Variants in POLR3B observed in about 807,000 individuals in gnomAD.
The protein encoded by POLR3B is DNA-directed RNA polymerase III subunit RPC2.
Under a neutral mutation model 147.4 loss-of-function variants are expected in POLR3B, and 96 were observed. The ratio of observed to expected loss-of-function variants is 0.65; its 90% CI spans 0.55 to 0.77. The LOEUF (loss-of-function observed/expected upper bound fraction) is 0.77, where lower values mean the gene tolerates loss of function less well. POLR3B is among the 30% of genes least tolerant of loss of function. POLR3B has a pLI of 0.00. For synonymous variants in POLR3B, 461 were observed against 485.9 expected (o/e 0.95, Z 0.67); for missense variants, 1,036 against 1,413.5 (o/e 0.73, Z 4.28).
chr12:106,495,573 A>G (rs903852820), intron 23 of POLR3B, among the ~76,000 whole-genome samples: 1 of 152,200 alleles, frequency 6.6e-6, no homozygotes, highest in African/African-American at 2.4e-5. Flanking sequence ...ACTTCTTGTC[A>G]CTGGTTTTTC....
At chr12:106,395,362 A>G (rs1402947124) in intron 10 of POLR3B, among the ~76,000 whole-genome samples, 1 of 152,172 alleles carries the variant, frequency 6.6e-6, no homozygotes, top group Non-Finnish European at 1.5e-5. Flanking sequence ...GCAGAAGGCA[A>G]AGGAGGGGGC....
intron 12 of POLR3B, among the ~76,000 whole-genome samples, chr12:106,412,199 A>G (rs1344087019): frequency 6.6e-6 from 1 of 151,838 alleles, no homozygotes; most frequent in African/African-American, 2.4e-5. Flanking sequence ...ATTCCTCTAA[A>G]GAGTGTCCCA....
intron 22 of POLR3B, among the ~76,000 whole-genome samples, chr12:106,459,693 A>G (rs2037910711): frequency 6.6e-6 from 1 of 152,170 alleles, no homozygotes; most frequent in African/African-American, 2.4e-5. Context: ...AGAGTTGGGA[A>G]TTGATACTGC....
At position 106,430,334 on chromosome 12, in the gene POLR3B, G is replaced by T. The variant is rs201153027; in HGVS notation, c.1325G>T (p.Arg442Leu). 2.9e-5 allele frequency: 46 copies of T among 1,613,934 alleles called. No homozygotes were observed. Among genetic ancestry groups the T allele is most frequent in the African/African-American group, 5.3e-5 (4 of 74,924 alleles). ...CAGGGTGTAACCCAAGTGCTGTCTC[G>T]CTTGTCATATATATCCGCACTGGGC... ...DRQGVTQVLS[R>L]LSYISALGMM... The change falls in exon 14 of 28, where the codon CGC becomes CTC. Residue 442 changes from arginine to leucine, a missense_variant. Physicochemically the swap from Arg to Leu is moderately radical, Grantham distance 102 (BLOSUM62 -2). Coordinates refer to ENST00000228347, the MANE Select transcript of POLR3B (RefSeq NM_018082.6).
chr12:106,380,460 C>T (rs2036746498), intron 9 of POLR3B, among the ~76,000 whole-genome samples: 1 of 150,086 alleles, frequency 6.7e-6, no homozygotes, highest in Non-Finnish European at 1.5e-5. Flanking sequence ...GTGTGCATCT[C>T]TACTTCCAGC....
chr12:106,408,696 C>T (rs2037181603), intron 11 of POLR3B, among the ~76,000 whole-genome samples: 1 of 152,160 alleles, frequency 6.6e-6, no homozygotes, highest in African/African-American at 2.4e-5. Context: ...TTTTCTCCCC[C>T]TCTTTCACAT....
Position 106,480,133 on chromosome 12 carries a change from GGATTACAGGTGTGA to G in POLR3B, c.2714-15906_2714-15893del, listed in dbSNP as rs199648115. 1.7e-3 allele frequency among the ~76,000 whole-genome samples: 259 copies of G among 152,044 alleles called. 3 individuals carry two copies. The East Asian group carries it at 0.04, about 23-fold the overall frequency. ...TTCCCAAAATGGCATTTGAACCTTG[GGATTACAGGTGTGA>G]GATTACAGGTGTGAGCCACTGTGCC... is the stretch of plus-strand genomic sequence containing the variant. On this transcript the variant is annotated intron_variant, in intron 23 of 27. Coordinates refer to ENST00000228347, the MANE Select transcript of POLR3B (RefSeq NM_018082.6).
intron 4 of POLR3B, among the ~76,000 whole-genome samples, chr12:106,366,930 C>T (rs1322639463): frequency 6.6e-6 from 1 of 152,072 alleles, no homozygotes; most frequent in Non-Finnish European, 1.5e-5. Flanking sequence ...ATGGTGAAAC[C>T]CTGTCTCTAC....
At chr12:106,411,238 A>G (rs536888502) in intron 12 of POLR3B, among the ~76,000 whole-genome samples, 307 of 152,240 alleles carry the variant, frequency 2.0e-3, no homozygotes, top group African/African-American at 6.9e-3. Context: ...TCCTGGGTTC[A>G]AGCGATTCTC....
intron 22 of POLR3B, among the ~76,000 whole-genome samples, chr12:106,462,357 C>G (rs572829596): frequency 2.0e-4 from 30 of 152,310 alleles, no homozygotes; most frequent in African/African-American, 7.2e-4. Flanking sequence ...AAGCGATTCT[C>G]TTGCCTTAGC....
intron 23 of POLR3B, among the ~76,000 whole-genome samples, chr12:106,494,155 T>C (rs148510152): frequency 4.6e-5 from 7 of 152,320 alleles, no homozygotes; most frequent in African/African-American, 1.7e-4. Flanking sequence ...GAGCACTTTT[T>C]TCATTTTAAT....
At chr12:106,484,499 TAA>T (rs1471310412) in intron 23 of POLR3B, among the ~76,000 whole-genome samples, 1 of 151,870 alleles carries the variant, frequency 6.6e-6, no homozygotes, top group Non-Finnish European at 1.5e-5. Context: ...AACAAAAATA[TAA>T]ACCCCAACTA....
At chr12:106,493,049 T>C (rs2137070547) in intron 23 of POLR3B, among the ~76,000 whole-genome samples, 1 of 152,312 alleles carries the variant, frequency 6.6e-6, no homozygotes, top group Non-Finnish European at 1.5e-5. Flanking sequence ...AGACACCAGC[T>C]TGAGCCAGGG....
In POLR3B at chr12:106,480,342, G is replaced by T. The variant is rs574021543; in HGVS notation, c.2714-15713G>T. ...TTGTTGACTAGTGAATATCATTGCT[G>T]GGTGGTCAGGTAGTGAACTACTTTA... On this transcript the variant is annotated intron_variant, in intron 23 of 27. Transcript: ENST00000228347. 2.0e-4 allele frequency among the ~76,000 whole-genome samples: 31 copies of T among 152,284 alleles called. No homozygotes were observed. In the South Asian group the frequency reaches 4.8e-3, roughly 23 times the overall value.
rs1032705654 is a variant in POLR3B, at chr12:106,432,199, C to G, written c.1465-119C>G. 2.5e-5 allele frequency: 21 copies of G among 835,948 alleles called. No individual in the cohort carries two copies. The African/African-American group carries it at 3.5e-4, about 14-fold the overall frequency. 51.8% of individuals were successfully genotyped at this position (835,948 alleles called of 1,614,324 possible). A position where few individuals can be genotyped will look rare whatever the true frequency, so the allele number is the denominator to read the frequency against. On this transcript the variant is annotated intron_variant, in intron 14 of 27. Transcript: ENST00000228347. ...ATTTGTGCGAATCACCACAGTATCCCCTACAAAGTTGTACTGCTTTGCATT... is the reference window on the plus strand; with the variant it reads ...ATTTGTGCGAATCACCACAGTATCCGCTACAAAGTTGTACTGCTTTGCATT...
At chr12:106,491,284 C>T (rs889891391) in intron 23 of POLR3B, among the ~76,000 whole-genome samples, 2 of 152,190 alleles carry the variant, frequency 1.3e-5, no homozygotes, top group Non-Finnish European at 2.9e-5. Flanking sequence ...GCTTCCCCCG[C>T]ACCCCCAAAG....
intron 24 of POLR3B, chr12:106,496,503 C>G (rs980761898): frequency 5.0e-6 from 3 of 600,988 alleles, no homozygotes; most frequent in Non-Finnish European, 5.9e-6. Context: ...AGCTGTGTGG[C>G]CTTGGACAAG....
intron 23 of POLR3B, among the ~76,000 whole-genome samples, chr12:106,477,658 C>T (rs185029869): frequency 2.6e-5 from 4 of 152,174 alleles, no homozygotes; most frequent in African/African-American, 4.8e-5. Flanking sequence ...TTCTTTGACT[C>T]GGAAAGGGAA....
chr12:106,468,467 C>A (rs1422845310), intron 23 of POLR3B, among the ~76,000 whole-genome samples: 1 of 151,918 alleles, frequency 6.6e-6, no homozygotes, highest in Non-Finnish European at 1.5e-5. Flanking sequence ...CTGCTCTGAT[C>A]TTAGTTATTT....
Sources: allele counts gnomAD v4.1 joint callset (sites outside exome capture counted in the v4.1 genomes callset), GRCh38; gene constraint gnomAD v4.1.1; transcripts MANE v1.5; gene names NCBI Gene and HGNC (gene_info 2026-07-23, HGNC 2026-07-21).